Variants in TANC1 observed in about 807,000 individuals in gnomAD.
TANC1 encodes protein TANC1.
Under a neutral mutation model 149.7 loss-of-function variants are expected in TANC1, and 77 were observed. The observed-to-expected ratio is 0.51, with a 90% confidence interval of 0.43 to 0.62. The LOEUF (loss-of-function observed/expected upper bound fraction) is 0.62, where lower values mean the gene tolerates loss of function less well. Among genes scored for constraint, TANC1 ranks in the 20% least tolerant of loss-of-function variants. TANC1 has a pLI of 0.00. For synonymous variants in TANC1, 854 were observed against 925.0 expected, an observed-to-expected ratio of 0.92 and a Z score of 1.39; for missense variants, 1,985 against 2,321.8, an observed-to-expected ratio of 0.85 and a Z score of 2.98.
intron 4 of TANC1, among the ~76,000 whole-genome samples, chr2:159,102,715 T>TC (rs2046852371): frequency 3.7e-5 from 1 of 27,294 alleles, no homozygotes; most frequent in Non-Finnish European, 1.6e-4. Flanking sequence ...ATATTTGCTT[T>TC]TTTTTTTTTT....
intron 3 of TANC1, among the ~76,000 whole-genome samples, chr2:159,091,362 CACCCAGA>C (rs1401405879): frequency 6.6e-6 from 1 of 152,168 alleles, no homozygotes; most frequent in African/African-American, 2.4e-5. Flanking sequence ...ATGTATAATG[CACCCAGA>C]ACCCTGTCCT....
intron 14 of TANC1, among the ~76,000 whole-genome samples, chr2:159,179,952 A>G (rs1414027249): frequency 6.6e-6 from 1 of 152,200 alleles, no homozygotes; most frequent in East Asian, 1.9e-4. Context: ...GGCTTCGGCT[A>G]TCTGTGAGCC....
rs116822536 is a variant in TANC1, at chr2:159,180,660, C to T, written c.2510+1497C>T. Reference sequence around the variant, plus strand: ...AGGAAGCACCCACTCCTGGGTGGTGCGAGTTGTTGCCATTTTCCCAAGACA... The same window carrying T: ...AGGAAGCACCCACTCCTGGGTGGTGTGAGTTGTTGCCATTTTCCCAAGACA... On this transcript the variant is annotated intron_variant, in intron 14 of 26. Transcript: ENST00000263635. 6.6e-3 allele frequency among the ~76,000 whole-genome samples: 1,011 copies of T among 152,238 alleles called. 15 individuals are homozygous for T. The highest frequency in any genetic ancestry group is 0.024 in the African/African-American group (986 of 41,534).
chr2:159,108,667 T>C (rs2047423102), intron 4 of TANC1, among the ~76,000 whole-genome samples: 1 of 152,048 alleles, frequency 6.6e-6, no homozygotes, highest in African/African-American at 2.4e-5. Flanking sequence ...ACTCATCAGG[T>C]TTGCTGTGAC....
chr2:159,193,371 C>T (rs2057608865), intron 16 of TANC1, among the ~76,000 whole-genome samples: 1 of 152,184 alleles, frequency 6.6e-6, no homozygotes, highest in African/African-American at 2.4e-5. Context: ...CACTGATGAA[C>T]ACTGAGGTTG....
At chr2:158,976,216 G>A in intron 1 of TANC1, among the ~76,000 whole-genome samples, 1 of 152,176 alleles carries the variant, frequency 6.6e-6, no homozygotes. Flanking sequence ...ATTCAAGAAT[G>A]TTAGAAAAAA....
intron 2 of TANC1, among the ~76,000 whole-genome samples, chr2:159,009,237 A>G (rs908812204): frequency 6.6e-6 from 1 of 152,178 alleles, no homozygotes; most frequent in African/African-American, 2.4e-5. Flanking sequence ...CAGCTACCAT[A>G]TGGTCTACCA....
intron 7 of TANC1, among the ~76,000 whole-genome samples, chr2:159,159,213 A>C (rs1437263060): frequency 6.6e-6 from 1 of 152,126 alleles, no homozygotes; most frequent in South Asian, 2.1e-4. Flanking sequence ...TAGGAGGCCA[A>C]GGTGGGTGGA....
intron 4 of TANC1, 109 bp from the exon 5 acceptor site, chr2:159,136,085 G>A (rs1283442958): frequency 3.5e-6 from 2 of 576,748 alleles, no homozygotes; most frequent in South Asian, 1.7e-5. Flanking sequence ...GAAGGCACTG[G>A]CTCTTCCTCT....
intron 19 of TANC1, among the ~76,000 whole-genome samples, chr2:159,210,690 C>T (rs1400664506): frequency 2.6e-5 from 4 of 151,960 alleles, no homozygotes; most frequent in Non-Finnish European, 4.4e-5. Context: ...CCTCAGCTTT[C>T]CCGAGTAGCT....
At chr2:159,153,946 T>C (rs1457638374) in intron 7 of TANC1, among the ~76,000 whole-genome samples, 1 of 152,254 alleles carries the variant, frequency 6.6e-6, no homozygotes, top group Admixed American at 6.5e-5. Flanking sequence ...CTTGGCTTCC[T>C]GCTTTGGAAG....
In TANC1 at chr2:159,163,510, A is replaced by G. The variant is rs1448665411; in HGVS notation, c.910A>G (p.Ser304Gly). ...TCCAGTCCCTTATTCTCAGGGCTCC[A>G]GCTCACTAATAATGCCACGGCCCAA... ...DGPVPYSQGS[S>G]SLIMPRPNSV... The change falls in exon 8 of 27, where the codon AGC becomes GGC. Residue 304 changes from serine to glycine, a missense_variant. Coordinates refer to ENST00000263635, the MANE Select transcript of TANC1 (RefSeq NM_033394.3). The G allele has an allele frequency of 1.9e-6, 3 of 1,613,062 alleles. No homozygotes were observed. The highest frequency in any genetic ancestry group is 1.7e-5 in the Admixed American group (1 of 59,996).
chr2:159,143,280 A>C (rs1393906702), intron 5 of TANC1, among the ~76,000 whole-genome samples: 1 of 152,102 alleles, frequency 6.6e-6, no homozygotes, highest in Non-Finnish European at 1.5e-5. Context: ...ATTTGTCAAC[A>C]TTTGCAAAAT....
chr2:158,980,907 G>T (rs1343511472), intron 1 of TANC1, among the ~76,000 whole-genome samples: 5 of 151,942 alleles, frequency 3.3e-5, no homozygotes, highest in African/African-American at 1.2e-4. Flanking sequence ...CTTTTTAAAT[G>T]TAGAAAAATA....
chr2:159,174,273 G>A (rs1318850046), intron 11 of TANC1, among the ~76,000 whole-genome samples: 1 of 152,150 alleles, frequency 6.6e-6, no homozygotes, highest in Non-Finnish European at 1.5e-5. Context: ...AGGTCCCTTG[G>A]AACAGGGACC....
intron 2 of TANC1, among the ~76,000 whole-genome samples, chr2:159,011,378 T>G (rs1293458005): frequency 6.6e-6 from 1 of 152,140 alleles, no homozygotes; most frequent in East Asian, 1.9e-4. Flanking sequence ...TCAAATCTAC[T>G]CCTCAAAGAG....
chr2:159,055,654 T>G (rs1021072708), intron 2 of TANC1, among the ~76,000 whole-genome samples: 1 of 152,224 alleles, frequency 6.6e-6, no homozygotes, highest in Admixed American at 6.5e-5. Flanking sequence ...TTCTTTGATC[T>G]CTTTGAGACA....
intron 1 of TANC1, among the ~76,000 whole-genome samples, chr2:158,988,197 C>T (rs537461371): frequency 1.1e-4 from 16 of 151,702 alleles, no homozygotes; most frequent in East Asian, 7.8e-4. Context: ...TGGTGGTGGG[C>T]GCCTGTAATC....
chr2:159,101,517 G>C (rs1246946060), intron 4 of TANC1, among the ~76,000 whole-genome samples: 1 of 145,630 alleles, frequency 6.9e-6, no homozygotes, highest in Non-Finnish European at 1.5e-5. Flanking sequence ...CCATTTATTT[G>C]GTTTTTTTTT....
Sources: gnomAD v4.1 joint callset for allele counts (sites outside exome capture counted in the v4.1 genomes callset) on GRCh38, gnomAD v4.1.1 for gene constraint, MANE v1.5 for transcripts, NCBI Gene and HGNC (gene_info 2026-07-23, HGNC 2026-07-21) for gene names.